CAST: variants seen among roughly 807,000 people sequenced by gnomAD.
CAST encodes calpastatin, also known as MIR583 host.
A neutral mutation model predicts 119.6 loss-of-function variants in CAST; 76 were observed. The ratio of observed to expected loss-of-function variants is 0.64; its 90% confidence interval spans 0.53 to 0.77. The LOEUF is 0.77. Among genes scored for constraint, CAST ranks in the 30% least tolerant of loss-of-function variants. CAST has a pLI of 0.00. For missense variants in CAST, 953 were observed against 946.5 expected (o/e 1.01, Z -0.09); for synonymous variants, 319 against 331.6 (o/e 0.96, Z 0.41).
intron 3 of CAST, among the ~76,000 whole-genome samples, chr5:96,704,095 T>A (rs1754458084): frequency 6.6e-6 from 1 of 152,194 alleles, no homozygotes; most frequent in South Asian, 2.1e-4. Context: ...GGAGAAGGAA[T>A]AAGCCACCTA....
At chr5:96,309,224 G>A in the CAST span, among the ~76,000 whole-genome samples, 11 of 152,340 alleles carry the variant, frequency 7.2e-5, no homozygotes, top group African/African-American at 2.2e-4. Flanking sequence ...CGCCCAGTTC[G>A]AACTTCTTGG....
the CAST span, among the ~76,000 whole-genome samples, chr5:96,499,317 C>T: frequency 1.3e-5 from 2 of 152,134 alleles, no homozygotes; most frequent in Admixed American, 6.6e-5. Flanking sequence ...TAAACAATTG[C>T]AATAATGCAA....
At chr5:96,740,973 T>A in intron 13 of CAST, 190 bp downstream of exon 13, 1 of 597,254 alleles carries the variant, frequency 1.7e-6, no homozygotes, top group East Asian at 2.8e-5. Context: ...CATAAGTAGG[T>A]TTTTTGAGGG....
the CAST span, among the ~76,000 whole-genome samples, chr5:96,309,898 G>A: frequency 3.9e-5 from 6 of 152,170 alleles, no homozygotes; most frequent in South Asian, 8.3e-4. Flanking sequence ...GTTCCTATTC[G>A]GCCATCTTTT....
chr5:96,045,919 G>T, the CAST span, among the ~76,000 whole-genome samples: 1 of 152,192 alleles, frequency 6.6e-6, no homozygotes, highest in African/African-American at 2.4e-5. Flanking sequence ...GAGACAGAAA[G>T]TGACAAGGGG....
chr5:96,463,314 A>C, the CAST span, among the ~76,000 whole-genome samples: 7 of 152,110 alleles, frequency 4.6e-5, no homozygotes, highest in Non-Finnish European at 7.4e-5. Context: ...GGTCCAGTAA[A>C]TGTCAAGTGT....
At chr5:96,349,159 C>CTTTTTTTTTTTTTTTTTTTTTTTTTTTT in the CAST span, among the ~76,000 whole-genome samples, 1 of 12,708 alleles carries the variant, frequency 7.9e-5, no homozygotes, top group Non-Finnish European at 1.9e-4. Context: ...TTTTTTTTTG[C>CTTTTTTTTTTTTTTTTTTTTTTTTTTTT]TAGTTATCAG....
chr5:96,635,549 A>G lies in CAST; in HGVS notation c.61-39990A>G, dbSNP rs192696986. Among the ~76,000 whole-genome samples, 344 of 152,332 alleles carry G rather than the reference A, an allele frequency of 2.3e-3. 1 individual carries two copies. Among genetic ancestry groups the G allele is most frequent in the Non-Finnish European group, 3.0e-3 (203 of 68,030 alleles). On this transcript the variant is annotated intron_variant, in intron 1 of 11. Transcript: ENST00000505143. The stretch of plus-strand genomic sequence containing the variant: ...GCTGTATTTTAAAGTTTCTAGCTAT[A>G]TAGATGTAATCTCTCTGGTAACTTT...
the CAST span, among the ~76,000 whole-genome samples, chr5:96,132,513 T>C: frequency 5.9e-5 from 9 of 152,148 alleles, no homozygotes; most frequent in Non-Finnish European, 1.3e-4. Context: ...TTATTCCTTC[T>C]ATCTAACTGT....
At chr5:96,553,763 G>C (rs183944639) in intron 1 of CAST, among the ~76,000 whole-genome samples, 25 of 152,238 alleles carry the variant, frequency 1.6e-4, no homozygotes, top group African/African-American at 5.8e-4. Flanking sequence ...ACCAATAACA[G>C]ACAAACAGAG....
the CAST span, among the ~76,000 whole-genome samples, chr5:96,504,466 C>T: frequency 6.6e-6 from 1 of 152,036 alleles, no homozygotes; most frequent in East Asian, 1.9e-4. Context: ...TTAATTTCCT[C>T]ATGAGCAGAT....
chr5:96,453,005 A>G, the CAST span, among the ~76,000 whole-genome samples: 2 of 150,770 alleles, frequency 1.3e-5, no homozygotes, highest in African/African-American at 4.9e-5. Flanking sequence ...AAATCCTGTC[A>G]CAGAAATTCC....
the CAST span, among the ~76,000 whole-genome samples, chr5:96,353,579 A>G: frequency 5.9e-5 from 9 of 151,714 alleles, no homozygotes; most frequent in African/African-American, 1.7e-4. Flanking sequence ...TGCATCATCC[A>G]GTCTGTTGAG....
chr5:96,225,508 A>C, the CAST span, among the ~76,000 whole-genome samples: 2 of 152,228 alleles, frequency 1.3e-5, no homozygotes, highest in Non-Finnish European at 2.9e-5. Flanking sequence ...TAAAGACTGG[A>C]AAAAGCTCAT....
chr5:96,450,458 G>A, the CAST span, among the ~76,000 whole-genome samples: 2 of 152,098 alleles, frequency 1.3e-5, no homozygotes, highest in African/African-American at 4.8e-5. Context: ...GTGAAAAGGA[G>A]GTGAGGGTTG....
the CAST span, among the ~76,000 whole-genome samples, chr5:96,144,532 T>A: frequency 6.6e-6 from 1 of 152,216 alleles, no homozygotes. Flanking sequence ...TTTAAGACAT[T>A]TAGTGATGCT....
chr5:95,996,599 T>C, the CAST span, among the ~76,000 whole-genome samples: 1 of 152,180 alleles, frequency 6.6e-6, no homozygotes, highest in East Asian at 1.9e-4. Flanking sequence ...ATACATCTAT[T>C]GTCTATTATT....
At chr5:96,149,334 C>T in the CAST span, among the ~76,000 whole-genome samples, 1 of 152,208 alleles carries the variant, frequency 6.6e-6, no homozygotes, top group Non-Finnish European at 1.5e-5. Flanking sequence ...AAGAAGTTTT[C>T]ACATGGGGAG....
the CAST span, among the ~76,000 whole-genome samples, chr5:96,435,013 A>G: frequency 6.6e-6 from 1 of 152,198 alleles, no homozygotes; most frequent in Non-Finnish European, 1.5e-5. Flanking sequence ...GTGAATGTTG[A>G]TGGCTGGGTA....
Sources: gnomAD v4.1 joint callset for allele counts (sites outside exome capture counted in the v4.1 genomes callset) on GRCh38, gnomAD v4.1.1 for gene constraint, MANE v1.5 for transcripts, NCBI Gene and HGNC (gene_info 2026-07-23, HGNC 2026-07-21) for gene names.